PRKG1: variants seen among roughly 807,000 people sequenced by gnomAD.
PRKG1 encodes the protein cGMP-dependent protein kinase 1.
A neutral mutation model predicts 88.1 loss-of-function variants in PRKG1; 35 were observed. That is an observed-to-expected ratio of 0.40 (90% CI 0.30 to 0.53). The LOEUF (loss-of-function observed/expected upper bound fraction) is 0.53, where lower values mean the gene tolerates loss of function less well. Among genes scored for constraint, PRKG1 ranks in the 20% least tolerant of loss-of-function variants. PRKG1 has a pLI of 0.59. For synonymous variants in PRKG1, 303 were observed against 292.5 expected (o/e 1.04, Z -0.37); for missense variants, 540 against 839.8 (o/e 0.64, Z 4.41).
intron 5 of PRKG1, among the ~76,000 whole-genome samples, chr10:52,001,772 A>G (rs1438286225): frequency 6.6e-6 from 1 of 151,950 alleles, no homozygotes; most frequent in African/African-American, 2.4e-5. Context: ...AACCACCCAT[A>G]TTTACTTGGT....
intron 2 of PRKG1, among the ~76,000 whole-genome samples, chr10:51,461,856 C>T (rs534420998): frequency 1.3e-5 from 2 of 152,172 alleles, no homozygotes; most frequent in Non-Finnish European, 2.9e-5. Flanking sequence ...GTAGGTTGCC[C>T]CATGGCAGCC....
chr10:51,360,492 C>G (rs749634042), intron 2 of PRKG1, among the ~76,000 whole-genome samples: 5 of 151,908 alleles, frequency 3.3e-5, no homozygotes, highest in Non-Finnish European at 5.9e-5. Flanking sequence ...TCCATTATTT[C>G]AGGACAAATA....
At chr10:51,359,110 T>C (rs1451187726) in intron 2 of PRKG1, among the ~76,000 whole-genome samples, 2 of 151,920 alleles carry the variant, frequency 1.3e-5, no homozygotes, top group African/African-American at 4.8e-5. Context: ...TAGAAGATTA[T>C]GCATGTTTCT....
intron 1 of PRKG1, among the ~76,000 whole-genome samples, chr10:51,017,996 A>T (rs548422055): frequency 4.0e-5 from 6 of 151,612 alleles, no homozygotes; most frequent in African/African-American, 7.3e-5. Context: ...TATTATTATT[A>T]TTTTTTAGGT....
chr10:52,120,001 GAGAC>G (rs1470904861), intron 7 of PRKG1, among the ~76,000 whole-genome samples: 2 of 150,586 alleles, frequency 1.3e-5, no homozygotes, highest in East Asian at 3.9e-4. Flanking sequence ...CAGAGAGAGA[GAGAC>G]AGAGAGAGAG....
chr10:51,426,229 C>T (rs201934977), intron 2 of PRKG1, among the ~76,000 whole-genome samples: 74 of 152,144 alleles, frequency 4.9e-4, no homozygotes, highest in East Asian at 9.7e-4. Flanking sequence ...TGCAGGGAGC[C>T]GAGATCATGC....
intron 1 of PRKG1, among the ~76,000 whole-genome samples, chr10:50,995,000 A>G (rs1330187405): frequency 2.0e-5 from 3 of 152,214 alleles, no homozygotes; most frequent in African/African-American, 7.2e-5. Flanking sequence ...CATTTTATAT[A>G]AAGGACTTGA....
chr10:51,532,759 C>T (rs2132096483), intron 3 of PRKG1, among the ~76,000 whole-genome samples: 2 of 152,274 alleles, frequency 1.3e-5, no homozygotes, highest in South Asian at 4.1e-4. Flanking sequence ...CTGGCCATTC[C>T]TGTTTGAGTC....
intron 1 of PRKG1, among the ~76,000 whole-genome samples, chr10:51,119,229 A>G (rs984509433): frequency 2.0e-5 from 3 of 152,094 alleles, no homozygotes; most frequent in African/African-American, 7.2e-5. Flanking sequence ...TAGGTAAAGT[A>G]AACTAAATTA....
intron 3 of PRKG1, among the ~76,000 whole-genome samples, chr10:51,554,286 T>G: frequency 8.3e-6 from 1 of 120,162 alleles, no homozygotes; most frequent in Admixed American, 8.4e-5. Flanking sequence ...TATATTTATA[T>G]ATTATATATG....
intron 9 of PRKG1, chr10:52,231,299 G>A (rs1840515794): frequency 6.6e-6 from 1 of 152,176 alleles, no homozygotes; most frequent in Non-Finnish European, 1.5e-5. Context: ...TACTCAGGAG[G>A]CTGAGGCAGG....
chr10:51,213,995 G>T (rs140957262), intron 2 of PRKG1, among the ~76,000 whole-genome samples: 193 of 151,932 alleles, frequency 1.3e-3, no homozygotes, highest in African/African-American at 4.5e-3. Flanking sequence ...TAAACAAAAA[G>T]AAAAAAACAT....
chr10:51,186,954 T>TTTTATATATATATATATATATATATATA (rs1318166640), intron 2 of PRKG1, among the ~76,000 whole-genome samples: 1 of 131,262 alleles, frequency 7.6e-6, no homozygotes, highest in Non-Finnish European at 1.6e-5. Context: ...AGGCCCTGTG[T>TTTTATATATATATATATATATATATATA]TATATATATA....
chr10:52,032,870 T>C (rs1428758540), intron 5 of PRKG1, among the ~76,000 whole-genome samples: 1 of 152,194 alleles, frequency 6.6e-6, no homozygotes, highest in African/African-American at 2.4e-5. Context: ...GTAAAGGTCC[T>C]GTGTTTTCTT....
At chr10:51,130,176 A>G (rs563695716) in intron 1 of PRKG1, among the ~76,000 whole-genome samples, 2 of 152,324 alleles carry the variant, frequency 1.3e-5, no homozygotes, top group Admixed American at 1.3e-4. Context: ...TCAGAAGCCT[A>G]TGAATCATCT....
chr10:51,598,320 C>T (rs1269374667), intron 3 of PRKG1, among the ~76,000 whole-genome samples: 2 of 152,180 alleles, frequency 1.3e-5, no homozygotes, highest in African/African-American at 4.8e-5. Flanking sequence ...ATCACCCAGG[C>T]TGCAGTGCAA....
At chr10:52,014,389 G>A (rs899261723) in intron 5 of PRKG1, among the ~76,000 whole-genome samples, 1 of 152,080 alleles carries the variant, frequency 6.6e-6, no homozygotes, top group Non-Finnish European at 1.5e-5. Flanking sequence ...GAGAACTCAT[G>A]CACTATCCCT....
rs543151438 is a variant in PRKG1 at position 51,814,659 on chromosome 10, A to G, written c.698+9969A>G. On this transcript the variant is annotated intron_variant, in intron 4 of 17. Coordinates refer to ENST00000373980, the MANE Select transcript of PRKG1 (RefSeq NM_006258.4). ...GTTTGCTCACAGACCATTTTGTGGT[A>G]GCAGATTCATTCTCATTAAAGATGA... Among the ~76,000 whole-genome samples, 4 of 152,308 alleles carry G rather than the reference A, an allele frequency of 2.6e-5. No individual in the cohort carries two copies. The East Asian group carries it at 5.8e-4, about 22-fold the overall frequency.
intron 2 of PRKG1, among the ~76,000 whole-genome samples, chr10:51,331,963 A>C (rs1467057246): frequency 1.3e-5 from 2 of 152,192 alleles, no homozygotes; most frequent in Non-Finnish European, 2.9e-5. Context: ...ACAAATATTT[A>C]CTGAACACCC....
Sources: allele counts gnomAD v4.1 joint callset (sites outside exome capture counted in the v4.1 genomes callset), GRCh38; gene constraint gnomAD v4.1.1; transcripts MANE v1.5; gene names NCBI Gene and HGNC (gene_info 2026-07-23, HGNC 2026-07-21).